The following KIAA1217 variants were observed in gnomAD, a reference collection of about 807,000 sequenced individuals.
The protein encoded by KIAA1217 is KIAA1217, also known as sickle tail protein homolog.
Under a neutral mutation model 163.9 loss-of-function variants are expected in KIAA1217, and 88 were observed. That is an observed-to-expected ratio of 0.54 (90% CI 0.45 to 0.64). The LOEUF is 0.64. Among genes scored for constraint, KIAA1217 ranks in the 30% least tolerant of loss-of-function variants. The pLI is 0.00. For missense variants in KIAA1217, 2,372 were observed against 2,475.0 expected, an observed-to-expected ratio of 0.96 and a Z score of 0.88; for synonymous variants, 903 against 923.1, an observed-to-expected ratio of 0.98 and a Z score of 0.39.
At chr10:23,760,592 T>TA (rs889458415) in intron 1 of KIAA1217, among the ~76,000 whole-genome samples, 19 of 152,172 alleles carry the variant, frequency 1.2e-4, no homozygotes, top group Middle Eastern at 3.4e-3. Context: ...AGGAATAGGA[T>TA]AAAAAAATGG....
chr10:24,311,827 G>A (rs1157086021), intron 2 of KIAA1217, among the ~76,000 whole-genome samples: 2 of 152,158 alleles, frequency 1.3e-5, no homozygotes, highest in South Asian at 2.1e-4. Flanking sequence ...AGAATAGGAA[G>A]GGGCTTCTTG....
chr10:24,091,440 A>C (rs1564690181), intron 2 of KIAA1217, among the ~76,000 whole-genome samples: 1 of 152,084 alleles, frequency 6.6e-6, no homozygotes. Context: ...GTCAGAGGAA[A>C]AGTCCCCACT....
At chr10:24,434,292 G>A (rs1009820183) in intron 4 of KIAA1217, among the ~76,000 whole-genome samples, 2 of 151,992 alleles carry the variant, frequency 1.3e-5, no homozygotes, top group African/African-American at 4.8e-5. Flanking sequence ...ACCTGCCTCG[G>A]CCTCCCAAAG....
At chr10:23,843,024 A>G (rs1370430862) in intron 1 of KIAA1217, among the ~76,000 whole-genome samples, 2 of 152,210 alleles carry the variant, frequency 1.3e-5, no homozygotes, top group Admixed American at 6.5e-5. Context: ...AAGTTGAGGA[A>G]GACTTCCAGT....
intron 2 of KIAA1217, among the ~76,000 whole-genome samples, chr10:24,067,251 G>C (rs1473629090): frequency 1.3e-5 from 2 of 152,150 alleles, no homozygotes; most frequent in African/African-American, 4.8e-5. Flanking sequence ...TTTCTGCTCT[G>C]TTTTTTCCCC....
intron 1 of KIAA1217, among the ~76,000 whole-genome samples, chr10:23,699,313 G>A (rs1836262114): frequency 6.6e-6 from 1 of 152,196 alleles, no homozygotes; most frequent in African/African-American, 2.4e-5. Context: ...GTACATCAAA[G>A]AATCACAGTT....
chr10:24,074,583 G>A (rs2061303624), intron 2 of KIAA1217, among the ~76,000 whole-genome samples: 1 of 152,108 alleles, frequency 6.6e-6, no homozygotes, highest in African/African-American at 2.4e-5. Flanking sequence ...GGCAGAGAAA[G>A]GAGAGGCAGG....
upstream of KIAA1217, among the ~76,000 whole-genome samples, chr10:24,206,796 G>C (rs557810902): frequency 6.6e-6 from 1 of 152,282 alleles, no homozygotes; most frequent in African/African-American, 2.4e-5. Context: ...TATCAGCAGA[G>C]AGGGCAGTGG....
At chr10:24,363,677 T>A (rs988511944) in intron 2 of KIAA1217, among the ~76,000 whole-genome samples, 1 of 151,748 alleles carries the variant, frequency 6.6e-6, no homozygotes, top group African/African-American at 2.4e-5. Context: ...GCTCAAGCAG[T>A]CCTCCCACCT....
intron 1 of KIAA1217, among the ~76,000 whole-genome samples, chr10:23,859,034 C>A (rs1425111425): frequency 1.3e-5 from 2 of 152,200 alleles, no homozygotes; most frequent in Non-Finnish European, 2.9e-5. Context: ...AGCACAAAGA[C>A]CCTGACTACC....
chr10:24,513,032 C>T (rs536447482), intron 9 of KIAA1217, among the ~76,000 whole-genome samples: 1 of 152,334 alleles, frequency 6.6e-6, no homozygotes, highest in African/African-American at 2.4e-5. Flanking sequence ...GAAAAAGGAT[C>T]CTTTGTCTTG....
intron 1 of KIAA1217, among the ~76,000 whole-genome samples, chr10:23,845,619 G>C (rs1838988808): frequency 6.6e-6 from 1 of 152,076 alleles, no homozygotes. Context: ...GTTATTTGTA[G>C]ATTCTGGATA....
chr10:24,275,574 G>C, intron 2 of KIAA1217: 1 of 446,902 alleles, frequency 2.2e-6, no homozygotes, highest in South Asian at 1.6e-5. Flanking sequence ...TTAGGTGATG[G>C]GCATATTTAC....
In KIAA1217 at chr10:24,543,838, C is replaced by T; in HGVS notation, c.4568C>T (p.Pro1523Leu). ...CAACAGGTGGAAACAAAGTCACAGCCACACTCCCTGGCCACAGAGACCAGA... is the reference window on the plus strand; with the variant it reads ...CAACAGGTGGAAACAAAGTCACAGCTACACTCCCTGGCCACAGAGACCAGA... ...TGQQVETKSQ[P>L]HSLATETRNP... Residue 1523 changes from proline (P) to leucine (L), a missense_variant, in exon 19 of 21, where the codon CCA (proline) becomes CTA (leucine). By Grantham distance (98) the Pro-to-Leu change is moderately conservative. This residue lies in a region of KIAA1217 where 690 missense variants were observed against 677.5 expected (regional missense o/e 1.02). Transcript: ENST00000376454. 6.2e-7 allele frequency: 1 copy of T among 1,614,010 alleles called. No individual in the cohort carries two copies. Among genetic ancestry groups the T allele is most frequent in the Non-Finnish European group, 8.5e-7 (1 of 1,180,014 alleles).
rs199732693 is a variant in KIAA1217, at chr10:23,790,038, T to TAC, written c.-321+94806_-321+94807dup. On this transcript the variant is annotated intron_variant, in intron 1 of 18. Transcript: ENST00000376462. ...ATATACACATATGCATATACACATA[T>TAC]ACATATGCATATACACATATACACA... is the stretch of plus-strand genomic sequence containing the variant. 1.7e-4 allele frequency among the ~76,000 whole-genome samples: 20 copies of TAC among 115,530 alleles called. 1 individual carries two copies. The highest frequency in any genetic ancestry group is 2.8e-4 in the Admixed American group (3 of 10,838). 75.8% of individuals were successfully genotyped at this position (115,530 alleles called of 152,430 possible).
intron 2 of KIAA1217, among the ~76,000 whole-genome samples, chr10:24,336,199 G>T (rs563385922): frequency 2.6e-4 from 40 of 152,224 alleles, no homozygotes; most frequent in Admixed American, 1.0e-3. Context: ...CCGAGACCGG[G>T]CCATTGCACT....
intron 2 of KIAA1217, among the ~76,000 whole-genome samples, chr10:24,096,133 C>G (rs2062151927): frequency 6.6e-6 from 1 of 152,070 alleles, no homozygotes; most frequent in Non-Finnish European, 1.5e-5. Context: ...CTAAACTATT[C>G]TAAACTCAGC....
At chr10:24,062,161 A>C (rs1369235988) in intron 2 of KIAA1217, among the ~76,000 whole-genome samples, 1 of 151,718 alleles carries the variant, frequency 6.6e-6, no homozygotes, top group Non-Finnish European at 1.5e-5. Flanking sequence ...ATTATACTTT[A>C]AGCTTTAGGG....
At chr10:24,154,398 G>T (rs1353637104) in intron 2 of KIAA1217, among the ~76,000 whole-genome samples, 1 of 152,088 alleles carries the variant, frequency 6.6e-6, no homozygotes. Context: ...CTGCACTCCA[G>T]CCTGGCTGAC....
Sources: allele counts gnomAD v4.1 joint callset (sites outside exome capture counted in the v4.1 genomes callset), GRCh38; gene constraint gnomAD v4.1.1; regional missense constraint gnomAD v4.1.1; transcripts MANE v1.5; gene names NCBI Gene and HGNC (gene_info 2026-07-23, HGNC 2026-07-21).